The following CD109 variants were observed in gnomAD, a reference collection of about 807,000 sequenced individuals.
The protein encoded by CD109 is CD109 molecule.
CD109 carries 149 observed loss-of-function variants against 165.8 expected under a neutral mutation model. The observed-to-expected ratio is 0.90, with a 90% confidence interval of 0.79 to 1.03. The LOEUF (loss-of-function observed/expected upper bound fraction) is 1.03, where lower values mean the gene tolerates loss of function less well. CD109 is among the 50% of genes least tolerant of loss of function. The probability of loss-of-function intolerance (pLI) is 0.00; values close to 1 mark genes in which losing one functional copy is unlikely to be tolerated. For missense variants in CD109, 1,712 were observed against 1,677.8 expected (o/e 1.02, Z -0.36); for synonymous variants, 585 against 592.1 (o/e 0.99, Z 0.18).
chr6:73,743,010 T>C (rs1355923993), intron 5 of CD109, among the ~76,000 whole-genome samples: 2 of 152,200 alleles, frequency 1.3e-5, no homozygotes, highest in South Asian at 4.1e-4. Flanking sequence ...TTGGGCAGTG[T>C]TGGGCAGTCA....
Position 73,808,241 on chromosome 6 carries a change from A to G in CD109, c.3348A>G (p.Glu1116=), listed in dbSNP as rs200052803. The G allele has an allele frequency of 1.1e-3, 1,814 of 1,612,356 alleles. 39 individuals are homozygous for G. The South Asian group carries it at 0.017, about 15-fold the overall frequency. ...TGAATATGCTGACTTGGAGAGCAGA[A>G]CAAGAAGGTAATGTGCTGGGCCCAC... The part of the protein sequence containing the change: ...EALNMLTWRA[E]QEGGMQFWVS... The change falls in exon 26 of 33, where the codon GAA becomes GAG. Residue 1116 remains glutamate, a synonymous_variant. Transcript: ENST00000287097.
intron 15 of CD109, among the ~76,000 whole-genome samples, chr6:73,773,592 A>C (rs1390922012): frequency 6.6e-6 from 1 of 152,178 alleles, no homozygotes; most frequent in Non-Finnish European, 1.5e-5. Flanking sequence ...TGTTAGTTAC[A>C]AACTGTACCC....
rs1487050681 is a variant in CD109 at position 73,825,111 on chromosome 6, A to G, written c.*1478A>G. 6.6e-6 allele frequency: 1 copy of G among 152,198 alleles called. No individual in the cohort carries two copies. Among genetic ancestry groups the G allele is most frequent in the Non-Finnish European group, 1.5e-5 (1 of 68,036 alleles). 9.4% of individuals were successfully genotyped at this position (152,198 alleles called of 1,614,324 possible). A position where few individuals can be genotyped will look rare whatever the true frequency, so the allele number is the denominator to read the frequency against. On this transcript the variant is annotated 3_prime_UTR_variant, in exon 33 of 33. Transcript: ENST00000287097. Reference sequence around the variant, plus strand: ...CTCTTATTTTAGTGAATTTTCAGAAATTATAGTGGAATGGATGCTCATATA... The same window carrying G: ...CTCTTATTTTAGTGAATTTTCAGAAGTTATAGTGGAATGGATGCTCATATA...
chr6:73,823,563 C>T lies in CD109; in HGVS notation c.4268C>T (p.Ser1423Phe). The change falls in exon 33 of 33, where the codon TCC becomes TTC. Residue 1423 changes from serine to phenylalanine, a missense_variant. Coordinates refer to ENST00000287097, the MANE Select transcript of CD109 (RefSeq NM_133493.5). Reference protein sequence around the residue: ...CRPCEDGASGSHHHSSVIFIF... With the variant: ...CRPCEDGASGFHHHSSVIFIF... ...CCTTGTGAGGATGGAGCTTCAGGCTCCCATCATCACTCTTCAGTCATTTTT... is the reference window on the plus strand; with the variant it reads ...CCTTGTGAGGATGGAGCTTCAGGCTTCCATCATCACTCTTCAGTCATTTTT... 1 of 1,613,770 alleles carries T rather than the reference C, an allele frequency of 6.2e-7. No homozygotes were observed. Among genetic ancestry groups the T allele is most frequent in the South Asian group, 1.1e-5 (1 of 91,058 alleles).
chr6:73,811,570 T>C (rs1375617793), intron 28 of CD109, among the ~76,000 whole-genome samples: 1 of 152,142 alleles, frequency 6.6e-6, no homozygotes, highest in Non-Finnish European at 1.5e-5. Flanking sequence ...CTAGTAACAG[T>C]AGAGCTAGGA....
rs978425940 is a variant in CD109 at position 73,826,341 on chromosome 6, A to C, written c.*2708A>C. On this transcript the variant is annotated 3_prime_UTR_variant, in exon 33 of 33. Coordinates refer to ENST00000287097, the MANE Select transcript of CD109 (RefSeq NM_133493.5). The stretch of plus-strand genomic sequence containing the variant: ...CTTATGCTGAAGCTCTTCCATTTAG[A>C]ATACTGTCAATGTCATTTACTGGTA... The C allele has an allele frequency of 6.6e-6, 1 of 152,220 alleles. No individual in the cohort carries two copies. The highest frequency in any genetic ancestry group is 2.4e-5 in the African/African-American group (1 of 41,462). The allele number at this position is 152,220 out of a possible 1,614,324, so 9.4% of individuals were successfully genotyped here.
Position 73,818,434 on chromosome 6 carries a change from C to G in CD109, c.3958C>G (p.Leu1320Val), listed in dbSNP as rs761069465. 1.2e-6 allele frequency: 2 copies of G among 1,613,772 alleles called. No homozygotes were observed. The highest frequency in any genetic ancestry group is 1.1e-5 in the South Asian group (1 of 91,058). The change falls in exon 31 of 33, where the codon CTA becomes GTA. Residue 1320 changes from leucine to valine, a missense_variant. By Grantham distance (32) the Leu-to-Val change is conservative (BLOSUM62 1). Coordinates refer to ENST00000287097, the MANE Select transcript of CD109 (RefSeq NM_133493.5). Reference protein sequence around the residue: ...RSGMALMEVNLLSGFMVPSEA... With the variant: ...RSGMALMEVNVLSGFMVPSEA... Reference sequence around the variant, plus strand: ...TGGCATGGCTCTTATGGAAGTTAACCTATTAAGTGGCTTTATGGTGCCTTC... The same window carrying G: ...TGGCATGGCTCTTATGGAAGTTAACGTATTAAGTGGCTTTATGGTGCCTTC...
chr6:73,812,282 T>A lies in CD109; in HGVS notation c.3768+12T>A. On this transcript the variant is annotated intron_variant, in intron 29 of 32. Transcript: ENST00000287097. Reference sequence around the variant, plus strand: ...TTGCTATTTGTCAGGTATGTAACGATGCTTATTTTTTTAAGTTAAATATGA... The same window carrying A: ...TTGCTATTTGTCAGGTATGTAACGAAGCTTATTTTTTTAAGTTAAATATGA... 6.4e-7 allele frequency: 1 copy of A among 1,566,014 alleles called. No individual in the cohort carries two copies.
chr6:73,752,141 A>G (rs550383116), intron 5 of CD109, among the ~76,000 whole-genome samples: 1 of 152,368 alleles, frequency 6.6e-6, no homozygotes, highest in South Asian at 2.1e-4. Flanking sequence ...ATGAACAAAC[A>G]GAAATAATCC....
At chr6:73,762,553 C>A in intron 8 of CD109, 73 bp downstream of exon 8, 3 of 1,107,750 alleles carry the variant, frequency 2.7e-6, no homozygotes, top group Non-Finnish European at 4.0e-6. Context: ...AGATTTAGTA[C>A]TGAATTAACA....
chr6:73,796,325 T>C (rs916706121), intron 23 of CD109, among the ~76,000 whole-genome samples: 4 of 152,184 alleles, frequency 2.6e-5, no homozygotes, highest in African/African-American at 9.6e-5. Flanking sequence ...TGGAGCTGGC[T>C]GTATCTGGAA....
intron 15 of CD109, 136 bp downstream of exon 15, chr6:73,771,717 C>A: frequency 3.6e-6 from 2 of 552,834 alleles, no homozygotes; most frequent in Non-Finnish European, 5.9e-6. Flanking sequence ...GTAAAGCTTC[C>A]AAATAAAAAG....
At chr6:73,820,906 C>T (rs758865351) in intron 32 of CD109, among the ~76,000 whole-genome samples, 1 of 152,068 alleles carries the variant, frequency 6.6e-6, no homozygotes, top group Non-Finnish European at 1.5e-5. Context: ...TTCCAAGCAC[C>T]CATTCCATCT....
intron 23 of CD109, among the ~76,000 whole-genome samples, chr6:73,802,887 A>G (rs1047862154): frequency 1.3e-5 from 2 of 152,024 alleles, no homozygotes; most frequent in African/African-American, 4.8e-5. Context: ...TTTAATAGAG[A>G]TGGGGTTTCA....
chr6:73,735,963 G>A (rs983855556), intron 4 of CD109, among the ~76,000 whole-genome samples: 3 of 152,148 alleles, frequency 2.0e-5, no homozygotes, highest in African/African-American at 7.2e-5. Context: ...GTTTGGTGAC[G>A]TACATGTTGT....
chr6:73,799,407 C>T (rs1027585688), intron 23 of CD109, among the ~76,000 whole-genome samples: 1 of 152,138 alleles, frequency 6.6e-6, no homozygotes, highest in African/African-American at 2.4e-5. Context: ...GCGGTTCTTG[C>T]ATTACTATAA....
intron 21 of CD109, 63 bp downstream of exon 21, chr6:73,787,515 T>G: frequency 8.0e-7 from 1 of 1,245,754 alleles, no homozygotes; most frequent in Non-Finnish European, 1.1e-6. Flanking sequence ...AAGCAGAAGG[T>G]TTTTTCTCTT....
intron 15 of CD109, among the ~76,000 whole-genome samples, chr6:73,773,856 G>A (rs1322517229): frequency 6.6e-6 from 1 of 151,544 alleles, no homozygotes; most frequent in Non-Finnish European, 1.5e-5. Flanking sequence ...TCTCCTTCTG[G>A]GACTTTTGTT....
chr6:73,810,158 G>A lies in CD109; in HGVS notation c.3530G>A (p.Gly1177Asp). Residue 1177 changes from glycine (G) to aspartate (D), a missense_variant, in exon 27 of 33, where the codon GGT (glycine) becomes GAT (aspartate). Gly to Asp is a moderately conservative substitution (Grantham distance 94). Transcript: ENST00000287097. ...WLSRQRNSLGGFASTQDTTVA... is the reference protein window; with the variant it reads ...WLSRQRNSLGDFASTQDTTVA... The stretch of plus-strand genomic sequence containing the variant: ...AGCAGGCAAAGAAATAGCTTGGGTG[G>A]TTTTGCATCTACTCAGGTGAGAGAT... 1.3e-6 allele frequency: 2 copies of A among 1,596,238 alleles called. No homozygotes were observed. The highest frequency in any genetic ancestry group is 1.7e-6 in the Non-Finnish European group (2 of 1,173,828).
Sources: gnomAD v4.1 joint callset for allele counts (sites outside exome capture counted in the v4.1 genomes callset) on GRCh38, gnomAD v4.1.1 for gene constraint, MANE v1.5 for transcripts, NCBI Gene and HGNC (gene_info 2026-07-23, HGNC 2026-07-21) for gene names.